Variants in RAD51B observed in about 807,000 individuals in gnomAD.
The protein encoded by RAD51B is RAD51 paralog B.
RAD51B carries 38 observed loss-of-function variants against 42.2 expected under a neutral mutation model. The ratio of observed to expected loss-of-function variants is 0.90; its 90% CI spans 0.70 to 1.18. RAD51B has a LOEUF of 1.18. Among genes scored for constraint, RAD51B ranks in the 50% most tolerant of loss-of-function variants. The pLI is 0.00. For missense variants in RAD51B, 373 were observed against 400.7 expected (o/e 0.93, Z 0.59); for synonymous variants, 154 against 145.2 (o/e 1.06, Z -0.43).
chr14:67,908,912 C>A (rs1000488171), intron 7 of RAD51B: 4 of 152,106 alleles, frequency 2.6e-5, no homozygotes, highest in African/African-American at 9.7e-5. Context: ...AAAGTATTTT[C>A]ATAATAATAT....
chr14:68,165,298 A>G (rs1427894485), intron 7 of RAD51B, among the ~76,000 whole-genome samples: 1 of 152,124 alleles, frequency 6.6e-6, no homozygotes, highest in Non-Finnish European at 1.5e-5. Context: ...GGAACTTTGT[A>G]CTAGTTAACA....
chr14:67,874,731 C>T (rs1319798076), intron 5 of RAD51B, among the ~76,000 whole-genome samples: 1 of 151,946 alleles, frequency 6.6e-6, no homozygotes, highest in Non-Finnish European at 1.5e-5. Context: ...GCACCATATG[C>T]TTGTATATAC....
At chr14:67,832,287 A>G (rs576738711) in intron 3 of RAD51B, among the ~76,000 whole-genome samples, 85 of 152,330 alleles carry the variant, frequency 5.6e-4, no homozygotes, top group African/African-American at 2.0e-3. Context: ...ATAATTTTTA[A>G]TAACAGGAGA....
chr14:68,506,739 G>T (rs1594924322), intron 10 of RAD51B, among the ~76,000 whole-genome samples: 1 of 152,152 alleles, frequency 6.6e-6, no homozygotes, highest in East Asian at 1.9e-4. Context: ...GGAATGGCTG[G>T]CTGTGTGCCC....
chr14:68,602,244 T>C lies in RAD51B; in HGVS notation c.1037-8762T>C, dbSNP rs181355581. 5.0e-4 allele frequency among the ~76,000 whole-genome samples: 76 copies of C among 151,930 alleles called. 1 individual carries two copies. In the East Asian group the frequency reaches 0.013, roughly 25 times the overall value. On this transcript the variant is annotated intron_variant, in intron 10 of 10. Coordinates refer to the RAD51B transcript ENST00000487861. ...TCTGGTCCCCAGACTCAGTTTCTAC[T>C]CTCCCTCCCAGCAAGCTGGGACACA...
intron 7 of RAD51B, among the ~76,000 whole-genome samples, chr14:68,155,749 T>C (rs1196186948): frequency 1.3e-5 from 2 of 152,140 alleles, no homozygotes; most frequent in East Asian, 3.8e-4. Context: ...AGTAGAAAAG[T>C]TCATGGGTAA....
chr14:68,622,342 T>A (rs1891967637), intron 10 of RAD51B, among the ~76,000 whole-genome samples: 2 of 152,108 alleles, frequency 1.3e-5, no homozygotes, highest in South Asian at 4.1e-4. Flanking sequence ...TGGGTCAGGA[T>A]TGGTGCTGAT....
chr14:68,292,633 T>G (rs1013767205), intron 8 of RAD51B, among the ~76,000 whole-genome samples: 1 of 152,220 alleles, frequency 6.6e-6, no homozygotes, highest in Non-Finnish European at 1.5e-5. Context: ...TGCAGAATGC[T>G]GTGGGTCTGG....
At chr14:68,461,185 C>A (rs1310625837) in intron 9 of RAD51B, among the ~76,000 whole-genome samples, 1 of 151,986 alleles carries the variant, frequency 6.6e-6, no homozygotes, top group Admixed American at 6.6e-5. Flanking sequence ...GCTGAAGCTT[C>A]TGGAAGAGGT....
chr14:67,984,400 T>G (rs2075148152), intron 7 of RAD51B, among the ~76,000 whole-genome samples: 1 of 152,222 alleles, frequency 6.6e-6, no homozygotes, highest in Non-Finnish European at 1.5e-5. Context: ...ACTTTCTTAT[T>G]TTAACCCTCC....
chr14:68,300,382 T>C (rs531928795), intron 8 of RAD51B, among the ~76,000 whole-genome samples: 2 of 152,066 alleles, frequency 1.3e-5, no homozygotes, highest in East Asian at 3.9e-4. Context: ...ATTTTTTCAG[T>C]TTTGTTTTGT....
intron 8 of RAD51B, among the ~76,000 whole-genome samples, chr14:68,388,562 T>TAA: frequency 6.6e-6 from 1 of 152,210 alleles, no homozygotes; most frequent in Non-Finnish European, 1.5e-5. Context: ...TTCTCTCTCC[T>TAA]TTACTGTCCC....
intron 10 of RAD51B, chr14:68,541,128 G>A: frequency 1.0e-6 from 1 of 985,454 alleles, no homozygotes; most frequent in Non-Finnish European, 1.2e-6. Context: ...TGTAGGTTTA[G>A]GCTCTAGACC....
At chr14:68,667,633 G>GT (rs1267875427) in intron 11 of RAD51B, among the ~76,000 whole-genome samples, 2 of 152,158 alleles carry the variant, frequency 1.3e-5, no homozygotes, top group African/African-American at 4.8e-5. Context: ...CAACACTAAG[G>GT]TAGACACTGC....
chr14:68,083,470 CG>C (rs1566630878), intron 7 of RAD51B, among the ~76,000 whole-genome samples: 1 of 152,138 alleles, frequency 6.6e-6, no homozygotes, highest in African/African-American at 2.4e-5. Context: ...TTTTGATACT[CG>C]ATCACTGGAG....
chr14:68,609,609 G>A (rs887232340), intron 10 of RAD51B, among the ~76,000 whole-genome samples: 3 of 152,170 alleles, frequency 2.0e-5, no homozygotes, highest in Non-Finnish European at 4.4e-5. Flanking sequence ...AAGCTGTGTG[G>A]CAGCAGGATC....
chr14:68,327,369 G>GTT (rs113226166), intron 8 of RAD51B, among the ~76,000 whole-genome samples: 30 of 77,064 alleles, frequency 3.9e-4, no homozygotes, highest in East Asian at 2.5e-3. Context: ...TCTTCAGTTT[G>GTT]TTTTTTTTTG....
intron 10 of RAD51B, among the ~76,000 whole-genome samples, chr14:68,471,393 C>A (rs2086120912): frequency 6.6e-6 from 1 of 152,086 alleles, no homozygotes; most frequent in Admixed American, 6.5e-5. Flanking sequence ...ACCTGAAGAA[C>A]TCCTGAGTGC....
chr14:68,441,587 T>C (rs1303124421), intron 9 of RAD51B, among the ~76,000 whole-genome samples: 3 of 150,446 alleles, frequency 2.0e-5, no homozygotes, highest in Non-Finnish European at 4.4e-5. Context: ...GATTCTAGTA[T>C]ATAACATACA....
Sources: allele counts gnomAD v4.1 joint callset (sites outside exome capture counted in the v4.1 genomes callset), GRCh38; gene constraint gnomAD v4.1.1; transcripts MANE v1.5; gene names NCBI Gene and HGNC (gene_info 2026-07-23, HGNC 2026-07-21).